Variants in PARD3 observed in about 807,000 individuals in gnomAD.
The protein encoded by PARD3 is par-3 family cell polarity regulator.
In PARD3, 75 loss-of-function variants were observed where a neutral mutation model predicts 155.4. That is an observed-to-expected ratio of 0.48 (90% CI 0.40 to 0.58). The LOEUF is 0.58. PARD3 is among the 20% of genes least tolerant of loss of function. PARD3 has a pLI of 0.00. For missense variants in PARD3, 1,642 were observed against 1,721.7 expected, an observed-to-expected ratio of 0.95 and a Z score of 0.82; for synonymous variants, 576 against 610.5, an observed-to-expected ratio of 0.94 and a Z score of 0.83.
intron 22 of PARD3, among the ~76,000 whole-genome samples, chr10:34,170,768 G>A (rs2133114333): frequency 6.6e-6 from 1 of 152,298 alleles, no homozygotes; most frequent in South Asian, 2.1e-4. Context: ...TACAGCAAGA[G>A]GGAAACTGGC....
In PARD3 at chr10:34,227,854, T is replaced by TATATATATA. The variant is rs1952683542; in HGVS notation, c.3419+41802_3419+41803insTATATATAT. On this transcript the variant is annotated intron_variant, in intron 22 of 24. Coordinates refer to ENST00000374788, the MANE Select transcript of PARD3 (RefSeq NM_001184785.2). ...TATATTCCCAGTAATGGGAATTATT[T>TATATATATA]TTTATATATATATATATATATATAT... 1.1e-3 allele frequency among the ~76,000 whole-genome samples: 29 copies of TATATATATA among 26,504 alleles called. 2 individuals carry two copies. Among genetic ancestry groups the TATATATATA allele is most frequent in the African/African-American group, 2.1e-3 (28 of 13,310 alleles). 17.4% of individuals were successfully genotyped at this position (26,504 alleles called of 152,430 possible).
intron 2 of PARD3, among the ~76,000 whole-genome samples, chr10:34,575,393 A>T (rs2086799055): frequency 1.3e-5 from 2 of 152,218 alleles, no homozygotes; most frequent in African/African-American, 4.8e-5. Context: ...ATCACAAGGG[A>T]GTAGGCTTTA....
chr10:34,693,295 C>T (rs916295561), intron 2 of PARD3, among the ~76,000 whole-genome samples: 2 of 152,164 alleles, frequency 1.3e-5, no homozygotes, highest in Non-Finnish European at 2.9e-5. Context: ...AAGACACATG[C>T]ACACATATGT....
In PARD3 at chr10:34,621,207, G is replaced by T. The variant is rs187487856; in HGVS notation, c.222+75111C>A. 7.8e-3 allele frequency among the ~76,000 whole-genome samples: 1,180 copies of T among 151,756 alleles called. 16 individuals carry two copies. The highest frequency in any genetic ancestry group is 0.026 in the African/African-American group (1,081 of 41,372). ...GTTTTTTGTTTTTGTTTTTTTGGGG[G>T]TTTTTTTTGTTGTTGTTTTGGGGGT... On this transcript the variant is annotated intron_variant, in intron 2 of 24. Coordinates refer to ENST00000374788, the MANE Select transcript of PARD3 (RefSeq NM_001184785.2).
chr10:34,386,388 TG>T lies in PARD3; in HGVS notation c.891-2135del, dbSNP rs541347350. Among the ~76,000 whole-genome samples, 118 of 152,330 alleles carry T rather than the reference TG, an allele frequency of 7.7e-4. 1 individual carries two copies. The highest frequency in any genetic ancestry group is 2.4e-3 in the Admixed American group (36 of 15,304). ...AGCAACTTAACTCTCAGTTCATATT[TG>T]GGAGAAAGAGATTCCATAATATGCC... On this transcript the variant is annotated intron_variant, in intron 7 of 24. Coordinates refer to ENST00000374788, the MANE Select transcript of PARD3 (RefSeq NM_001184785.2).
At chr10:34,722,907 A>C (rs1175038189) in intron 1 of PARD3, among the ~76,000 whole-genome samples, 1 of 152,208 alleles carries the variant, frequency 6.6e-6, no homozygotes, top group Non-Finnish European at 1.5e-5. Flanking sequence ...ATGGAATGGA[A>C]ATAGTGCGAG....
intron 1 of PARD3, among the ~76,000 whole-genome samples, chr10:34,708,420 G>T (rs1261875184): frequency 6.6e-6 from 1 of 152,186 alleles, no homozygotes; most frequent in Non-Finnish European, 1.5e-5. Context: ...TGATACATTG[G>T]TAAGTTTTCT....
chr10:34,157,813 A>G (rs1363587373), intron 22 of PARD3, among the ~76,000 whole-genome samples: 1 of 152,222 alleles, frequency 6.6e-6, no homozygotes, highest in Non-Finnish European at 1.5e-5. Flanking sequence ...CAAAACAAGC[A>G]TAATACTGTT....
intron 5 of PARD3, among the ~76,000 whole-genome samples, chr10:34,444,875 A>C (rs1470384607): frequency 6.6e-6 from 1 of 152,202 alleles, no homozygotes; most frequent in Admixed American, 6.5e-5. Flanking sequence ...GGAAAAGCTG[A>C]TAAGGTCATA....
chr10:34,640,837 G>A (rs554155053), intron 2 of PARD3, among the ~76,000 whole-genome samples: 2 of 149,714 alleles, frequency 1.3e-5, no homozygotes, highest in South Asian at 2.2e-4. Flanking sequence ...TCTGTGGGAT[G>A]TATTCAAACA....
intron 5 of PARD3, among the ~76,000 whole-genome samples, chr10:34,434,253 GATCCAC>G (rs1274304879): frequency 6.6e-6 from 1 of 152,148 alleles, no homozygotes; most frequent in East Asian, 1.9e-4. Flanking sequence ...AAGCAGCTGC[GATCCAC>G]ATGGTGAAGG....
intron 3 of PARD3, chr10:34,488,867 C>G (rs1163804514): frequency 6.5e-6 from 1 of 153,592 alleles, no homozygotes; most frequent in East Asian, 1.9e-4. Flanking sequence ...GGCACTTGAT[C>G]ATGAGGAACA....
At chr10:34,700,176 A>G (rs1235862764) in intron 1 of PARD3, among the ~76,000 whole-genome samples, 1 of 152,232 alleles carries the variant, frequency 6.6e-6, no homozygotes, top group African/African-American at 2.4e-5. Flanking sequence ...CAAGGCTCCC[A>G]AGGATAGGTC....
chr10:34,652,929 A>G (rs572289683), intron 2 of PARD3, among the ~76,000 whole-genome samples: 42 of 152,200 alleles, frequency 2.8e-4, no homozygotes, highest in Non-Finnish European at 5.3e-4. Context: ...AGCTAAGGCA[A>G]ATGGATGAGC....
At chr10:34,196,002 T>C (rs903495226) in intron 22 of PARD3, among the ~76,000 whole-genome samples, 1 of 152,240 alleles carries the variant, frequency 6.6e-6, no homozygotes, top group African/African-American at 2.4e-5. Context: ...GCACAGAATA[T>C]GCATTCAAGA....
chr10:34,351,739 G>A (rs1028669942), intron 14 of PARD3, among the ~76,000 whole-genome samples: 3 of 152,154 alleles, frequency 2.0e-5, no homozygotes, highest in African/African-American at 4.8e-5. Context: ...ACTTCCCAAC[G>A]CAACTGGGAT....
chr10:34,289,826 G>T (rs941946454), intron 20 of PARD3, among the ~76,000 whole-genome samples: 13 of 152,158 alleles, frequency 8.5e-5, no homozygotes, highest in Non-Finnish European at 1.3e-4. Context: ...TGAGATCACT[G>T]CTGTCTGCCA....
intron 2 of PARD3, among the ~76,000 whole-genome samples, chr10:34,525,672 T>C (rs1262998259): frequency 6.6e-6 from 1 of 152,046 alleles, no homozygotes; most frequent in East Asian, 1.9e-4. Flanking sequence ...AATCCCTCAA[T>C]AGTAACTCTT....
intron 1 of PARD3, among the ~76,000 whole-genome samples, chr10:34,800,091 C>G (rs983697897): frequency 4.6e-5 from 7 of 151,770 alleles, no homozygotes; most frequent in African/African-American, 1.7e-4. Context: ...GATCATGCCA[C>G]TGCACTCCAG....
Sources: allele counts gnomAD v4.1 joint callset (sites outside exome capture counted in the v4.1 genomes callset), GRCh38; gene constraint gnomAD v4.1.1; transcripts MANE v1.5; gene names NCBI Gene and HGNC (gene_info 2026-07-23, HGNC 2026-07-21).